INSC: variants seen among roughly 807,000 people sequenced by gnomAD.
INSC encodes protein inscuteable homolog.
INSC carries 67 observed loss-of-function variants against 58.6 expected under a neutral mutation model. The observed-to-expected ratio is 1.14, with a 90% CI of 0.94 to 1.40. INSC has a LOEUF of 1.40. INSC is among the 40% of genes most tolerant of loss of function. INSC has a pLI of 0.00. For missense variants in INSC, 714 were observed against 692.0 expected (o/e 1.03, Z -0.36); for synonymous variants, 262 against 276.1 (o/e 0.95, Z 0.51).
the INSC span, among the ~76,000 whole-genome samples, chr11:15,268,153 G>C: frequency 1.3e-5 from 2 of 151,978 alleles, no homozygotes; most frequent in Admixed American, 1.3e-4. Context: ...AGAATTTACT[G>C]TCCCACACTG....
At chr11:15,130,175 G>C (rs1219661526) in intron 1 of INSC, among the ~76,000 whole-genome samples, 1 of 152,164 alleles carries the variant, frequency 6.6e-6, no homozygotes, top group East Asian at 1.9e-4. Context: ...TGATCTCACA[G>C]GAAATGCTTT....
intron 5 of INSC, among the ~76,000 whole-genome samples, chr11:15,185,018 G>A (rs993921085): frequency 6.6e-6 from 1 of 152,124 alleles, no homozygotes; most frequent in African/African-American, 2.4e-5. Context: ...GATAAGTCTT[G>A]GAAAAGTACT....
intron 10 of INSC, among the ~76,000 whole-genome samples, chr11:15,237,933 A>T (rs1335931639): frequency 6.6e-6 from 1 of 152,168 alleles, no homozygotes; most frequent in East Asian, 1.9e-4. Flanking sequence ...AATTGTAGAC[A>T]CTATATGGGG....
chr11:15,209,551 T>C (rs1850940107), intron 7 of INSC, among the ~76,000 whole-genome samples: 1 of 152,146 alleles, frequency 6.6e-6, no homozygotes, highest in Admixed American at 6.5e-5. Context: ...GGTACTGCTC[T>C]GGAAGCGTAT....
chr11:15,218,292 C>G (rs1851299176), intron 7 of INSC, among the ~76,000 whole-genome samples: 1 of 152,144 alleles, frequency 6.6e-6, no homozygotes, highest in African/African-American at 2.4e-5. Flanking sequence ...CCATATTCAG[C>G]ATTATACCAT....
rs530364075 is a variant in INSC, at chr11:15,127,831, C to T, written c.-46+12828C>T. Among the ~76,000 whole-genome samples the T allele has an allele frequency of 2.0e-5, 3 of 152,202 alleles. No individual in the cohort carries two copies. The South Asian group carries it at 6.2e-4, about 32-fold the overall frequency. The stretch of plus-strand genomic sequence containing the variant: ...ACAACATAGCAAAACCCTGTCTCTA[C>T]TAGAAATGCAAAAATTAACTGGGCG... On this transcript the variant is annotated intron_variant, in intron 1 of 12. Transcript: ENST00000379556.
At chr11:15,263,724 G>A in the INSC span, among the ~76,000 whole-genome samples, 1 of 152,132 alleles carries the variant, frequency 6.6e-6, no homozygotes, top group African/African-American at 2.4e-5. Flanking sequence ...TCACAAAGCT[G>A]AAATCAAGCT....
chr11:15,236,798 C>T (rs1852150137), intron 10 of INSC, among the ~76,000 whole-genome samples: 1 of 152,234 alleles, frequency 6.6e-6, no homozygotes, highest in African/African-American at 2.4e-5. Flanking sequence ...CCCCCTTCTC[C>T]CAGGCTTCCC....
upstream of INSC, among the ~76,000 whole-genome samples, chr11:15,113,366 G>A (rs116773702): frequency 7.6e-3 from 1,156 of 151,992 alleles, 15 homozygotes; most frequent in African/African-American, 0.027. Flanking sequence ...TCACCATGTC[G>A]GCCAGGATGG....
chr11:15,237,891 C>T (rs1191431171), intron 10 of INSC, among the ~76,000 whole-genome samples: 1 of 152,040 alleles, frequency 6.6e-6, no homozygotes, highest in East Asian at 1.9e-4. Flanking sequence ...TTATAGAAAT[C>T]CTCCAGTTAG....
chr11:15,179,620 C>T (rs1045330055), intron 5 of INSC, among the ~76,000 whole-genome samples: 8 of 152,244 alleles, frequency 5.3e-5, no homozygotes, highest in African/African-American at 1.9e-4. Flanking sequence ...CCCCCGACCC[C>T]AACAACAGGA....
At chr11:15,198,659 AATATATATCC>A (rs964966725) in intron 6 of INSC, among the ~76,000 whole-genome samples, 3 of 152,236 alleles carry the variant, frequency 2.0e-5, no homozygotes, top group African/African-American at 7.2e-5. Flanking sequence ...CACATATATA[AATATATATCC>A]ATATATATGT....
chr11:15,266,350 A>G, the INSC span, among the ~76,000 whole-genome samples: 7 of 152,022 alleles, frequency 4.6e-5, no homozygotes, highest in African/African-American at 1.7e-4. Context: ...TAGGAACTGC[A>G]TTGGCCTTCA....
At position 15,147,981 on chromosome 11, in the gene INSC, T is replaced by C. The variant is rs562496429; in HGVS notation, c.-45-1149T>C. On this transcript the variant is annotated intron_variant, in intron 1 of 12. Coordinates refer to ENST00000379556, the MANE Select transcript of INSC (RefSeq NM_001042536.3). ...CTGCATATTCCTCAGGGAGGGCTTA[T>C]TCATGGGCTTGGGGGAGTTGGCAGA... Among the ~76,000 whole-genome samples the C allele has an allele frequency of 2.0e-5, 3 of 152,328 alleles. No individual in the cohort carries two copies. In the South Asian group the frequency reaches 6.2e-4, roughly 32 times the overall value.
intron 9 of INSC, among the ~76,000 whole-genome samples, chr11:15,230,819 C>T (rs1376780410): frequency 3.3e-5 from 5 of 152,334 alleles, no homozygotes; most frequent in South Asian, 2.1e-4. Context: ...GCCAGCAGCA[C>T]GGGACCTACA....
intron 7 of INSC, among the ~76,000 whole-genome samples, chr11:15,210,541 GT>G (rs1564905392): frequency 6.6e-6 from 1 of 151,690 alleles, no homozygotes; most frequent in Non-Finnish European, 1.5e-5. Context: ...GTGTGTGTGT[GT>G]GTGTGGTGGA....
intron 1 of INSC, among the ~76,000 whole-genome samples, chr11:15,127,320 C>T (rs1848020225): frequency 6.6e-6 from 1 of 152,182 alleles, no homozygotes; most frequent in South Asian, 2.1e-4. Flanking sequence ...GTGCAGTCTG[C>T]AAAAGTCTAT....
intron 9 of INSC, among the ~76,000 whole-genome samples, chr11:15,229,958 ATTTATATATATATATAT>A: frequency 3.1e-5 from 1 of 32,222 alleles, no homozygotes; most frequent in African/African-American, 1.3e-4. Flanking sequence ...TTATATATAT[ATTTATATATATATATAT>A]ATATTATATA....
intron 9 of INSC, among the ~76,000 whole-genome samples, chr11:15,226,098 C>G (rs775314005): frequency 3.3e-5 from 5 of 152,012 alleles, no homozygotes; most frequent in African/African-American, 7.3e-5. Flanking sequence ...GACCTTGAAG[C>G]CTCCCTACGA....
Sources: gnomAD v4.1 joint callset for allele counts (sites outside exome capture counted in the v4.1 genomes callset) on GRCh38, gnomAD v4.1.1 for gene constraint, MANE v1.5 for transcripts, NCBI Gene and HGNC (gene_info 2026-07-23, HGNC 2026-07-21) for gene names.